The following GALNT8 variants were observed in gnomAD, a reference collection of about 807,000 sequenced individuals.
The protein encoded by GALNT8 is polypeptide N-acetylgalactosaminyltransferase 8.
In GALNT8, 66 loss-of-function variants were observed where a neutral mutation model predicts 62.7. The observed-to-expected ratio is 1.05, with a 90% confidence interval of 0.86 to 1.29. The LOEUF (loss-of-function observed/expected upper bound fraction) is 1.29, where lower values mean the gene tolerates loss of function less well. Ranked by LOEUF, GALNT8 falls within the 50% of genes most tolerant of loss-of-function variation. The pLI is 0.00. For missense variants in GALNT8, 771 were observed against 791.8 expected, an observed-to-expected ratio of 0.97 and a Z score of 0.32; for synonymous variants, 288 against 294.3, an observed-to-expected ratio of 0.98 and a Z score of 0.22.
chr12:4,764,043 C>G lies in GALNT8; in HGVS notation c.1589C>G (p.Ser530Ter). Reference protein sequence around the residue: ...PIMYYCHEFSSQNVYYHLTGE... With the variant: ...PIMYYCHEFS ...ATGTATTACTGCCATGAATTCAGCT[C>G]ACAGGTATCTTCCACAATCTTCCTG... Residue 530 changes from serine (S) to a stop codon, truncating the protein, a stop_gained, in exon 9 of 11, where the codon TCA (serine) becomes TGA (stop). Transcript: ENST00000252318. LOFTEE classifies it high-confidence loss of function. The G allele has an allele frequency of 6.5e-7, 1 of 1,534,542 alleles. No homozygotes were observed. Among genetic ancestry groups the G allele is most frequent in the Non-Finnish European group, 9.0e-7 (1 of 1,106,866 alleles).
intron 2 of GALNT8, among the ~76,000 whole-genome samples, chr12:4,738,619 C>G (rs928764495): frequency 6.6e-6 from 1 of 152,172 alleles, no homozygotes; most frequent in Non-Finnish European, 1.5e-5. Context: ...CTGATAGATA[C>G]GTTTATTACC....
chr12:4,733,780 T>TA (rs1946231028), intron 2 of GALNT8, among the ~76,000 whole-genome samples: 2 of 152,206 alleles, frequency 1.3e-5, no homozygotes, highest in Non-Finnish European at 2.9e-5. Flanking sequence ...TTTATCCACT[T>TA]ACGAATTCGC....
intron 3 of GALNT8, among the ~76,000 whole-genome samples, chr12:4,743,866 G>A (rs1281501074): frequency 6.6e-6 from 1 of 152,186 alleles, no homozygotes; most frequent in Non-Finnish European, 1.5e-5. Context: ...TTACACGTGA[G>A]GAAGTCAGTG....
At chr12:4,744,817 A>G (rs930658288) in intron 4 of GALNT8, 117 bp downstream of exon 4, 11 of 651,228 alleles carry the variant, frequency 1.7e-5, no homozygotes, top group African/African-American at 1.3e-4. Context: ...GCCTTAAATA[A>G]AGGGAATCTC....
chr12:4,759,377 T>C (rs1299122643), intron 6 of GALNT8, among the ~76,000 whole-genome samples: 1 of 151,422 alleles, frequency 6.6e-6, no homozygotes, highest in Non-Finnish European at 1.5e-5. Context: ...TTAATCCCAG[T>C]GAAAACCCAA....
intron 10 of GALNT8, among the ~76,000 whole-genome samples, chr12:4,768,222 A>C (rs893911988): frequency 5.9e-5 from 9 of 152,198 alleles, no homozygotes; most frequent in Non-Finnish European, 1.5e-5. Flanking sequence ...ATTAATCTGT[A>C]AGATGCCAAT....
intron 2 of GALNT8, among the ~76,000 whole-genome samples, chr12:4,727,475 T>G (rs1243121695): frequency 6.6e-6 from 1 of 152,250 alleles, no homozygotes; most frequent in Non-Finnish European, 1.5e-5. Context: ...TTTTCATCAC[T>G]TTAAAAAGAA....
Position 4,758,769 on chromosome 12 carries a change from C to T in GALNT8, c.1174-2189C>T, listed in dbSNP as rs566046379. ...CTAATTATGGGCATTACTTCATAAA[C>T]GGCAATCTTTTTTTTTTTTTCTTTT... On this transcript the variant is annotated intron_variant, in intron 6 of 10. Coordinates refer to ENST00000252318, the MANE Select transcript of GALNT8 (RefSeq NM_017417.2). Among the ~76,000 whole-genome samples, 21 of 138,568 alleles carry T rather than the reference C, an allele frequency of 1.5e-4. No homozygotes were observed. The South Asian group carries it at 3.3e-3, about 22-fold the overall frequency. 90.9% of individuals were successfully genotyped at this position (138,568 alleles called of 152,430 possible).
At chr12:4,755,212 A>T (rs1217712613) in intron 6 of GALNT8, among the ~76,000 whole-genome samples, 1 of 152,220 alleles carries the variant, frequency 6.6e-6, no homozygotes, top group Non-Finnish European at 1.5e-5. Flanking sequence ...TTTCAGGCTT[A>T]CTTAGAGACT....
chr12:4,729,058 A>T (rs1162645019), intron 2 of GALNT8, among the ~76,000 whole-genome samples: 1 of 152,154 alleles, frequency 6.6e-6, no homozygotes, highest in Non-Finnish European at 1.5e-5. Context: ...GAGTTTTCAC[A>T]GTATAAGTTT....
intron 10 of GALNT8, among the ~76,000 whole-genome samples, chr12:4,771,840 A>G (rs1946425761): frequency 6.6e-6 from 1 of 152,050 alleles, no homozygotes; most frequent in South Asian, 2.1e-4. Context: ...ACTTGGAGAG[A>G]TTAGGTAATT....
intron 1 of GALNT8, among the ~76,000 whole-genome samples, chr12:4,722,746 G>A (rs904577411): frequency 6.6e-6 from 1 of 152,134 alleles, no homozygotes; most frequent in African/African-American, 2.4e-5. Context: ...GGCTGGAGTT[G>A]GGGAAAGTGT....
chr12:4,763,166 A>G (rs1047115267), intron 7 of GALNT8, 87 bp from the exon 8 acceptor site: 2 of 1,065,306 alleles, frequency 1.9e-6, no homozygotes, highest in African/African-American at 3.1e-5. Context: ...ATGCAGAAAT[A>G]TGGAGTCCTT....
intron 7 of GALNT8, 118 bp downstream of exon 7, chr12:4,761,261 C>T: frequency 1.3e-6 from 1 of 741,890 alleles, no homozygotes; most frequent in South Asian, 1.8e-5. Flanking sequence ...AGGGTAAGGT[C>T]CTGATGGTGT....
At chr12:4,734,122 A>G (rs1202753468) in intron 2 of GALNT8, among the ~76,000 whole-genome samples, 3 of 152,198 alleles carry the variant, frequency 2.0e-5, no homozygotes, top group African/African-American at 2.4e-5. Context: ...TAATAATACT[A>G]TGATGTGAGG....
In GALNT8 at chr12:4,772,570, A is replaced by G; in HGVS notation, c.1887A>G (p.Arg629=). 6.2e-7 allele frequency: 1 copy of G among 1,613,912 alleles called. No individual in the cohort carries two copies. Among genetic ancestry groups the G allele is most frequent in the Non-Finnish European group, 8.5e-7 (1 of 1,179,908 alleles). ...TQVWEIQHTV[R]DWGQTNSQ ...TGTGGGAAATCCAGCACACTGTCAGAGACTGGGGTCAGACCAACAGCCAGT... is the reference window on the plus strand; with the variant it reads ...TGTGGGAAATCCAGCACACTGTCAGGGACTGGGGTCAGACCAACAGCCAGT... Residue 629 remains arginine, a synonymous_variant, in exon 11 of 11, where the codon AGA becomes AGG. Transcript: ENST00000252318.
In GALNT8 at chr12:4,720,772, C is replaced by T; in HGVS notation, c.95C>T (p.Thr32Ile). The T allele has an allele frequency of 6.2e-7, 1 of 1,612,522 alleles. No individual in the cohort carries two copies. Among genetic ancestry groups the T allele is most frequent in the South Asian group, 1.1e-5 (1 of 91,050 alleles). ...CTTCTGGTATTTTCTAGCAAGGGGA[C>T]TTTACAAAACCTGTTTACGGGTGGT... ...NLLLVFSSKG[T>I]LQNLFTGGLH... The change falls in exon 1 of 11, where the codon ACT (threonine) becomes ATT (isoleucine). Residue 32 changes from threonine to isoleucine, a missense_variant. Transcript: ENST00000252318.
chr12:4,730,541 T>G (rs1946216780), intron 2 of GALNT8, among the ~76,000 whole-genome samples: 1 of 152,230 alleles, frequency 6.6e-6, no homozygotes, highest in Non-Finnish European at 1.5e-5. Context: ...GATTTATATC[T>G]GTGTTCTATA....
At chr12:4,759,353 C>T (rs1006790938) in intron 6 of GALNT8, among the ~76,000 whole-genome samples, 3 of 151,762 alleles carry the variant, frequency 2.0e-5, no homozygotes, top group African/African-American at 4.8e-5. Context: ...ATAACTGATT[C>T]CTTGTTACAT....
Sources: gnomAD v4.1 joint callset for allele counts (sites outside exome capture counted in the v4.1 genomes callset) on GRCh38, gnomAD v4.1.1 for gene constraint, MANE v1.5 for transcripts, NCBI Gene and HGNC (gene_info 2026-07-23, HGNC 2026-07-21) for gene names.